The following AFF1 variants were observed in gnomAD, a reference collection of about 807,000 sequenced individuals.
The protein encoded by AFF1 is ALF transcription elongation factor 1.
AFF1 carries 48 observed loss-of-function variants against 121.7 expected under a neutral mutation model. The ratio of observed to expected loss-of-function variants is 0.39; its 90% CI spans 0.31 to 0.50. The LOEUF is 0.50. Among genes scored for constraint, AFF1 ranks in the 20% least tolerant of loss-of-function variants. The pLI, the probability that AFF1 is intolerant of heterozygous loss-of-function variation, is 0.76. For synonymous variants in AFF1, 613 were observed against 563.0 expected (o/e 1.09, Z -1.26); for missense variants, 1,523 against 1,511.7 (o/e 1.01, Z -0.12).
At position 87,136,806 on chromosome 4, in the gene AFF1, T is replaced by G. The variant is rs2149809910; in HGVS notation, c.*1105T>G. The G allele has an allele frequency of 4.5e-6, 1 of 221,862 alleles. No homozygotes were observed. The highest frequency in any genetic ancestry group is 1.4e-3 in the Middle Eastern group (1 of 726). The allele number at this position is 221,862 out of a possible 1,614,324, so 13.7% of individuals were successfully genotyped here. A position where few individuals can be genotyped will look rare whatever the true frequency, so the allele number is the denominator to read the frequency against. ...TTCTGCTACAAATATTTTATATTTATAGCAAAACTAGACTTTCAGAGTCCT... is the reference window on the plus strand; with the variant it reads ...TTCTGCTACAAATATTTTATATTTAGAGCAAAACTAGACTTTCAGAGTCCT... On this transcript the variant is annotated 3_prime_UTR_variant, in exon 21 of 21. Transcript: ENST00000395146.
intron 1 of AFF1, among the ~76,000 whole-genome samples, chr4:86,941,944 GTTT>G (rs76522559): frequency 6.9e-6 from 1 of 144,538 alleles, no homozygotes; most frequent in Middle Eastern, 3.5e-3. Context: ...CCAATCCTCC[GTTT>G]TTTTTTTTTC....
rs17012281 is a variant in AFF1 at position 87,038,696 on chromosome 4, A to T, written c.39-7470A>T. 8.7e-3 allele frequency among the ~76,000 whole-genome samples: 1,330 copies of T among 152,318 alleles called. 24 individuals are homozygous for T. Among genetic ancestry groups the T allele is most frequent in the African/African-American group, 0.031 (1,280 of 41,572 alleles). ...GTTTATTTGTTGCTCTATCCTTTGT[A>T]CATTCAAATCAGAATGGCATAGTGC... On this transcript the variant is annotated intron_variant, in intron 2 of 20. Coordinates refer to ENST00000395146, the MANE Select transcript of AFF1 (RefSeq NM_001166693.3).
At chr4:87,038,710 A>G (rs2149596862) in intron 2 of AFF1, among the ~76,000 whole-genome samples, 2 of 152,322 alleles carry the variant, frequency 1.3e-5, no homozygotes, top group East Asian at 3.9e-4. Context: ...TCAAATCAGA[A>G]TGGCATAGTG....
chr4:87,135,562 GTTTTGTTTTT>G lies in AFF1; in HGVS notation c.3536-14_3536-5del, dbSNP rs1560668184. Reference sequence around the variant, plus strand: ...TTGTGTATTTACTTGTTTTTGTTTTGTTTTGTTTTTTTTGCAGAATTCTTTGCTCGGCTCA... The same window carrying G: ...TTGTGTATTTACTTGTTTTTGTTTTGTTTGCAGAATTCTTTGCTCGGCTCA... On this transcript the variant is annotated splice_region_variant and splice_polypyrimidine_tract_variant and intron_variant, in intron 20 of 20. Coordinates refer to ENST00000395146, the MANE Select transcript of AFF1 (RefSeq NM_001166693.3). The G allele has an allele frequency of 6.8e-7, 1 of 1,472,642 alleles. No individual in the cohort carries two copies. The highest frequency in any genetic ancestry group is 9.0e-7 in the Non-Finnish European group (1 of 1,111,216). The allele number at this position is 1,472,642 out of a possible 1,614,324, so 91.2% of individuals were successfully genotyped here.
At position 87,010,533 on chromosome 4, in the gene AFF1, G is replaced by A. The variant is rs533764946; in HGVS notation, c.39-35633G>A. ...TTACAGAACATGGCTTTAGTTACTG[G>A]ACTCTGATGGAAAGTGCATCCAGAC... On this transcript the variant is annotated intron_variant, in intron 2 of 20. Transcript: ENST00000395146. Among the ~76,000 whole-genome samples the A allele has an allele frequency of 4.6e-5, 7 of 152,308 alleles. No individual in the cohort carries two copies. In the South Asian group the frequency reaches 1.2e-3, roughly 27 times the overall value.
At chr4:87,007,100 T>C (rs1726209355) in intron 2 of AFF1, 1 of 1,253,684 alleles carries the variant, frequency 8.0e-7, no homozygotes, top group East Asian at 3.4e-5. Flanking sequence ...TCTCAGAAAC[T>C]GCGCCGGGGG....
intron 12 of AFF1, among the ~76,000 whole-genome samples, chr4:87,124,031 C>A (rs1381987252): frequency 1.3e-5 from 2 of 152,170 alleles, no homozygotes; most frequent in African/African-American, 4.8e-5. Flanking sequence ...CTCCTGAACC[C>A]AGAGCCATGG....
chr4:87,115,155 A>G lies in AFF1; in HGVS notation c.2322A>G (p.Leu774=), dbSNP rs1212214772. Residue 774 remains leucine (L), a synonymous_variant, in exon 12 of 21, where the codon CTA becomes CTG. Coordinates refer to ENST00000395146, the MANE Select transcript of AFF1 (RefSeq NM_001166693.3). The stretch of plus-strand genomic sequence containing the variant: ...AAAGCTTGATGGTGAAGATCACCCT[A>G]GACCTGCTCTCTCGGATACCCCAGC... The part of the protein sequence containing the change: ...PPQSLMVKIT[L]DLLSRIPQPP... The G allele has an allele frequency of 6.2e-7, 1 of 1,614,200 alleles. No individual in the cohort carries two copies. The highest frequency in any genetic ancestry group is 2.2e-5 in the East Asian group (1 of 44,874).
chr4:87,041,391 TCTTTTACC>T (rs1730132592), intron 2 of AFF1, among the ~76,000 whole-genome samples: 2 of 152,182 alleles, frequency 1.3e-5, no homozygotes, highest in Non-Finnish European at 2.9e-5. Context: ...GGATGTGCTG[TCTTTTACC>T]CCTGGAGATC....
chr4:87,052,544 T>C (rs1357767757), intron 4 of AFF1, among the ~76,000 whole-genome samples: 2 of 151,790 alleles, frequency 1.3e-5, no homozygotes, highest in Admixed American at 1.3e-4. Flanking sequence ...CATGGAGGCT[T>C]TGTTGGCCGT....
chr4:87,082,680 C>A (rs1002799301), intron 4 of AFF1, among the ~76,000 whole-genome samples: 8 of 152,160 alleles, frequency 5.3e-5, no homozygotes, highest in African/African-American at 1.9e-4. Flanking sequence ...CTGCCCGCCT[C>A]GGCCTCCCAA....
At chr4:87,017,156 A>G (rs1435539307) in intron 2 of AFF1, among the ~76,000 whole-genome samples, 1 of 89,788 alleles carries the variant, frequency 1.1e-5, no homozygotes, top group African/African-American at 4.6e-5. Flanking sequence ...TCTGGGTCCT[A>G]TGATAGTTTT....
chr4:87,083,496 C>A (rs535150565), intron 4 of AFF1, among the ~76,000 whole-genome samples: 59 of 152,296 alleles, frequency 3.9e-4, no homozygotes, highest in African/African-American at 1.4e-3. Flanking sequence ...TCCTTACTTT[C>A]GACCCACTAA....
At chr4:87,102,062 C>G (rs922811372) in intron 8 of AFF1, among the ~76,000 whole-genome samples, 1 of 106,996 alleles carries the variant, frequency 9.3e-6, no homozygotes, top group Non-Finnish European at 2.1e-5. Flanking sequence ...TTTGCTAGAA[C>G]AGCTGCCTGA....
chr4:87,014,239 G>A (rs1727087437), intron 2 of AFF1, among the ~76,000 whole-genome samples: 1 of 152,004 alleles, frequency 6.6e-6, no homozygotes, highest in African/African-American at 2.4e-5. Context: ...TTTTTTCCAT[G>A]CGTTGTGGGC....
intron 11 of AFF1, 53 bp from the exon 12 acceptor site, chr4:87,114,314 A>G: frequency 1.4e-6 from 2 of 1,474,644 alleles, no homozygotes; most frequent in Non-Finnish European, 1.8e-6. Context: ...ACACAAAAGA[A>G]TAATTTGTCA....
chr4:87,122,098 A>G (rs567050528), intron 12 of AFF1, among the ~76,000 whole-genome samples: 1 of 152,336 alleles, frequency 6.6e-6, no homozygotes, highest in African/African-American at 2.4e-5. Flanking sequence ...TTCATTTAAA[A>G]AAGTATACTT....
chr4:87,089,838 TG>T (rs1482483502), intron 5 of AFF1, 145 bp from the exon 6 acceptor site: 14 of 624,148 alleles, frequency 2.2e-5, no homozygotes, highest in Admixed American at 1.2e-4. Flanking sequence ...AAATAGGAGT[TG>T]TTTTTTTTAA....
intron 2 of AFF1, among the ~76,000 whole-genome samples, chr4:87,027,894 A>G (rs530075638): frequency 8.2e-5 from 12 of 146,666 alleles, no homozygotes; most frequent in Non-Finnish European, 1.6e-4. Context: ...CCTGGGGTTC[A>G]AGTGATTCTC....
Sources: allele counts gnomAD v4.1 joint callset (sites outside exome capture counted in the v4.1 genomes callset), GRCh38; gene constraint gnomAD v4.1.1; transcripts MANE v1.5; gene names NCBI Gene and HGNC (gene_info 2026-07-23, HGNC 2026-07-21).